Variants in SRGAP1 observed in about 807,000 individuals in gnomAD.
SRGAP1 encodes SLIT-ROBO Rho GTPase-activating protein 1.
SRGAP1 carries 43 observed loss-of-function variants against 121.9 expected under a neutral mutation model. The observed-to-expected ratio is 0.35, with a 90% CI of 0.28 to 0.46. The LOEUF is 0.46. SRGAP1 is among the 20% of genes least tolerant of loss of function. The pLI is 1.00. For synonymous variants in SRGAP1, 447 were observed against 485.4 expected (o/e 0.92, Z 1.04); for missense variants, 1,102 against 1,350.9 (o/e 0.82, Z 2.89).
intron 2 of SRGAP1, among the ~76,000 whole-genome samples, chr12:63,986,597 A>G (rs1018029508): frequency 6.6e-6 from 1 of 151,960 alleles, no homozygotes; most frequent in African/African-American, 2.4e-5. Flanking sequence ...TAATTTTTGT[A>G]TTTTTACTAG....
Position 63,897,686 on chromosome 12 carries a change from C to T in SRGAP1, c.67+52803C>T, listed in dbSNP as rs71467155. ...CCACAGTTTTATTAAAATTGTGGTG[C>T]CTCTCAACTTAGTAAAATGTTTCTG... On this transcript the variant is annotated intron_variant, in intron 1 of 21. Coordinates refer to ENST00000355086, the MANE Select transcript of SRGAP1 (RefSeq NM_020762.4). Among the ~76,000 whole-genome samples the T allele has an allele frequency of 8.9e-3, 1,362 of 152,252 alleles. 13 individuals carry two copies. The highest frequency in any genetic ancestry group is 0.016 in the Non-Finnish European group (1,084 of 68,018).
At chr12:64,050,682 T>A (rs2035220789) in intron 6 of SRGAP1, among the ~76,000 whole-genome samples, 1 of 152,154 alleles carries the variant, frequency 6.6e-6, no homozygotes, top group African/African-American at 2.4e-5. Flanking sequence ...GGATGATATG[T>A]CCCTTAAGTA....
chr12:63,899,335 T>G (rs969668187), intron 1 of SRGAP1, among the ~76,000 whole-genome samples: 8 of 150,108 alleles, frequency 5.3e-5, no homozygotes, highest in African/African-American at 2.0e-4. Flanking sequence ...AGATCCTGTC[T>G]CCAAAAAAAA....
At chr12:64,106,431 T>C (rs935925185) in intron 15 of SRGAP1, among the ~76,000 whole-genome samples, 1 of 152,244 alleles carries the variant, frequency 6.6e-6, no homozygotes, top group Non-Finnish European at 1.5e-5. Context: ...TAATTTCTGA[T>C]ATGAGATAAT....
intron 21 of SRGAP1, among the ~76,000 whole-genome samples, chr12:64,129,421 A>C (rs940155452): frequency 6.6e-6 from 1 of 152,166 alleles, no homozygotes; most frequent in Non-Finnish European, 1.5e-5. Flanking sequence ...GATGGTGCCC[A>C]TCCAGATTAA....
rs1164276457 is a variant in SRGAP1, at chr12:64,127,930, G to A, written c.2610G>A (p.Pro870=). The change falls in exon 21 of 22, where the codon CCG becomes CCA. Residue 870 remains proline, a synonymous_variant. Transcript: ENST00000355086. ...RPGRTSDGHC[P]LHPPHALSNS... is the part of the protein sequence containing the mutation. ...GCAGGACCAGTGATGGCCATTGCCCGCTCCACCCTCCACATGCCCTTTCTA... is the reference window on the plus strand; with the variant it reads ...GCAGGACCAGTGATGGCCATTGCCCACTCCACCCTCCACATGCCCTTTCTA... 2.5e-6 allele frequency: 4 copies of A among 1,614,158 alleles called. No homozygotes were observed. Among genetic ancestry groups the A allele is most frequent in the South Asian group, 1.1e-5 (1 of 91,076 alleles).
chr12:63,896,211 G>A (rs1592925151), intron 1 of SRGAP1, among the ~76,000 whole-genome samples: 1 of 152,104 alleles, frequency 6.6e-6, no homozygotes, highest in Non-Finnish European at 1.5e-5. Flanking sequence ...TTGGCCTAGT[G>A]GCTAGAACTT....
intron 1 of SRGAP1, among the ~76,000 whole-genome samples, chr12:63,848,697 A>C (rs532704707): frequency 6.6e-6 from 1 of 152,284 alleles, no homozygotes. Context: ...AGCGTGCACC[A>C]CCATGCCTGA....
chr12:63,968,656 T>G (rs1051596428), intron 1 of SRGAP1, among the ~76,000 whole-genome samples: 1 of 152,252 alleles, frequency 6.6e-6, no homozygotes, highest in African/African-American at 2.4e-5. Flanking sequence ...CTGTCAGGAC[T>G]GCTGAACAAC....
intron 1 of SRGAP1, among the ~76,000 whole-genome samples, chr12:63,847,219 C>T (rs1169745200): frequency 1.3e-5 from 2 of 151,962 alleles, no homozygotes; most frequent in Non-Finnish European, 2.9e-5. Context: ...ACCTGTGGTC[C>T]CAGTGTGCCT....
chr12:64,000,269 TGTGTGTAA>T (rs1387283689), intron 3 of SRGAP1, among the ~76,000 whole-genome samples: 70 of 149,098 alleles, frequency 4.7e-4, no homozygotes, highest in African/African-American at 1.6e-3. Flanking sequence ...TGTGTGTGTG[TGTGTGTAA>T]AAAAAAAAAA....
chr12:63,964,980 G>A (rs1255976131), intron 1 of SRGAP1, among the ~76,000 whole-genome samples: 3 of 152,124 alleles, frequency 2.0e-5, no homozygotes, highest in African/African-American at 4.8e-5. Context: ...GAAAAAATAC[G>A]AGCTTTAGAG....
At chr12:63,912,161 C>T (rs1479897570) in intron 1 of SRGAP1, among the ~76,000 whole-genome samples, 3 of 152,188 alleles carry the variant, frequency 2.0e-5, no homozygotes, top group Non-Finnish European at 4.4e-5. Context: ...TGATCATCTA[C>T]TGTTTGCCAG....
intron 1 of SRGAP1, among the ~76,000 whole-genome samples, chr12:63,966,160 G>C (rs1057451568): frequency 1.3e-5 from 2 of 152,160 alleles, no homozygotes; most frequent in Admixed American, 1.3e-4. Context: ...ACCCCAAATG[G>C]AATTTGCAGT....
At chr12:63,989,879 G>A in intron 2 of SRGAP1, 31 bp from the exon 3 acceptor site, 1 of 1,567,650 alleles carries the variant, frequency 6.4e-7, no homozygotes, top group Non-Finnish European at 8.6e-7. Context: ...CTTTGAAATG[G>A]GTGGTAATTC....
intron 2 of SRGAP1, among the ~76,000 whole-genome samples, chr12:63,986,690 A>G (rs2033428207): frequency 6.6e-6 from 1 of 152,160 alleles, no homozygotes; most frequent in Non-Finnish European, 1.5e-5. Context: ...CCCAAAGTAC[A>G]GGGATGACAG....
chr12:64,109,453 G>A (rs1224488344), intron 16 of SRGAP1, among the ~76,000 whole-genome samples: 1 of 152,098 alleles, frequency 6.6e-6, no homozygotes, highest in Non-Finnish European at 1.5e-5. Context: ...GATGGGAGCT[G>A]TACACAGATC....
At chr12:64,001,820 A>T (rs187289203) in intron 3 of SRGAP1, among the ~76,000 whole-genome samples, 5 of 152,222 alleles carry the variant, frequency 3.3e-5, no homozygotes. Context: ...TAAATGATAC[A>T]CTAGGTAAAG....
chr12:64,089,414 T>C (rs1322237704), intron 11 of SRGAP1, among the ~76,000 whole-genome samples: 1 of 152,202 alleles, frequency 6.6e-6, no homozygotes, highest in East Asian at 1.9e-4. Flanking sequence ...GCCTCCCTGG[T>C]GGTGGGGCAC....
Sources: gnomAD v4.1 joint callset for allele counts (sites outside exome capture counted in the v4.1 genomes callset) on GRCh38, gnomAD v4.1.1 for gene constraint, MANE v1.5 for transcripts, NCBI Gene and HGNC (gene_info 2026-07-23, HGNC 2026-07-21) for gene names.